PCCB: variants seen among roughly 807,000 people sequenced by gnomAD.
PCCB encodes propionyl-CoA carboxylase subunit beta, also known as propionyl-CoA carboxylase beta chain, mitochondrial.
A neutral mutation model predicts 60.7 loss-of-function variants in PCCB; 43 were observed. That is an observed-to-expected ratio of 0.71 (90% confidence interval 0.55 to 0.91). PCCB has a LOEUF of 0.91. Ranked by LOEUF, PCCB falls within the 40% of genes least tolerant of loss-of-function variation. PCCB has a pLI of 0.00. For missense variants in PCCB, 766 were observed against 702.8 expected (o/e 1.09, Z -1.02); for synonymous variants, 276 against 255.9 (o/e 1.08, Z -0.75).
chr3:136,279,498 C>T (rs1368160645), intron 5 of PCCB, among the ~76,000 whole-genome samples: 1 of 152,024 alleles, frequency 6.6e-6, no homozygotes, highest in Non-Finnish European at 1.5e-5. Context: ...ATATCTTGAA[C>T]TAGTTGGAAG....
chr3:136,326,413 G>GT (rs1332857099), intron 10 of PCCB: 2 of 702,802 alleles, frequency 2.8e-6, no homozygotes, highest in East Asian at 5.4e-5. Flanking sequence ...AAAAGGCAAA[G>GT]TAATTTCTCA....
At chr3:136,316,687 A>C (rs907156130) in intron 9 of PCCB, among the ~76,000 whole-genome samples, 2 of 152,174 alleles carry the variant, frequency 1.3e-5, no homozygotes, top group African/African-American at 4.8e-5. Context: ...TCCACACTCA[A>C]ATAGGACTTT....
At chr3:136,262,289 G>C (rs565444076) in intron 5 of PCCB, among the ~76,000 whole-genome samples, 29 of 152,316 alleles carry the variant, frequency 1.9e-4, no homozygotes, top group Non-Finnish European at 3.2e-4. Context: ...ACTCACAGGG[G>C]AAATTACAGT....
intron 8 of PCCB, among the ~76,000 whole-genome samples, chr3:136,299,400 T>C (rs1340720222): frequency 1.3e-5 from 2 of 151,974 alleles, no homozygotes; most frequent in Non-Finnish European, 2.9e-5. Context: ...ATATGTATGC[T>C]TATGTATATG....
rs1340091518 is a variant in PCCB at position 136,317,048 on chromosome 3, A to T, written c.1074A>T (p.Gln358His). The T allele has an allele frequency of 6.2e-7, 1 of 1,613,770 alleles. No individual in the cohort carries two copies. Among genetic ancestry groups the T allele is most frequent in the East Asian group, 2.2e-5 (1 of 44,864 alleles). ...NGRTVGIVGN[Q>H]PKVASGCLDI... ...GGACTGTTGGAATTGTTGGCAACCAACCTAAGGTGGCCTCAGGTAGGATGG... is the reference window on the plus strand; with the variant it reads ...GGACTGTTGGAATTGTTGGCAACCATCCTAAGGTGGCCTCAGGTAGGATGG... The change falls in exon 10 of 15, where the codon CAA becomes CAT. Residue 358 changes from glutamine (Q) to histidine (H), a missense_variant. Gln to His is a conservative substitution (Grantham distance 24). Coordinates refer to ENST00000251654, the MANE Select transcript of PCCB (RefSeq NM_000532.5).
rs1942117940 is a variant in PCCB, at chr3:136,269,139, G to C, written c.543+7074G>C. Among the ~76,000 whole-genome samples, 2 of 152,118 alleles carry C rather than the reference G, an allele frequency of 1.3e-5. 1 individual carries two copies. The highest frequency in any genetic ancestry group is 4.1e-4 in the South Asian group (2 of 4,828). On this transcript the variant is annotated intron_variant, in intron 5 of 14. Transcript: ENST00000251654. Reference sequence around the variant, plus strand: ...CTACTAAAAATACAAAAATTAGCCAGGTGTTGTGGTGCATGCCTGTAATCC... The same window carrying C: ...CTACTAAAAATACAAAAATTAGCCACGTGTTGTGGTGCATGCCTGTAATCC...
chr3:136,259,040 A>C, intron 3 of PCCB: 1 of 694,266 alleles, frequency 1.4e-6, no homozygotes, highest in East Asian at 3.5e-5. Context: ...TTAATTCCTA[A>C]CTGTCTTTTT....
intron 10 of PCCB, among the ~76,000 whole-genome samples, chr3:136,318,117 T>C (rs1378397611): frequency 3.3e-5 from 5 of 152,216 alleles, no homozygotes; most frequent in Non-Finnish European, 7.3e-5. Context: ...GGCGGGTGGA[T>C]CACGAGGTCT....
intron 11 of PCCB, 64 bp from the exon 12 acceptor site, chr3:136,327,091 C>A: frequency 6.8e-7 from 1 of 1,468,244 alleles, no homozygotes; most frequent in South Asian, 1.1e-5. Context: ...GACCTCACAG[C>A]TGAGAGTGGC....
chr3:136,327,025 C>T, intron 11 of PCCB, 115 bp downstream of exon 11: 2 of 1,117,296 alleles, frequency 1.8e-6, no homozygotes, highest in Non-Finnish European at 2.7e-6. Flanking sequence ...TCCATGTATT[C>T]TGGGTGTCCA....
At position 136,260,485 on chromosome 3, in the gene PCCB, A is replaced by G; in HGVS notation, c.379A>G (p.Thr127Ala). ...RLVYVFSQDF[T>A]VFGGSLSGAH... is the part of the protein sequence containing the mutation. Reference sequence around the variant, plus strand: ...ATTTGTATTTTCTTTTTAGGATTTTACAGTTTTTGGAGGCAGTCTGTCAGG... The same window carrying G: ...ATTTGTATTTTCTTTTTAGGATTTTGCAGTTTTTGGAGGCAGTCTGTCAGG... The change falls in exon 4 of 15, where the codon ACA (threonine) becomes GCA (alanine). Residue 127 changes from threonine (T) to alanine (A), a missense_variant. Transcript: ENST00000251654. 6.2e-7 allele frequency: 1 copy of G among 1,613,026 alleles called. No homozygotes were observed. Among genetic ancestry groups the G allele is most frequent in the Non-Finnish European group, 8.5e-7 (1 of 1,179,148 alleles).
intron 5 of PCCB, among the ~76,000 whole-genome samples, chr3:136,269,196 G>T (rs191620420): frequency 1.5e-3 from 222 of 152,194 alleles, no homozygotes; most frequent in Non-Finnish European, 2.9e-3. Context: ...CAGGAGAATC[G>T]CTTGAATCCA....
At chr3:136,292,997 G>A (rs537937013) in intron 6 of PCCB, among the ~76,000 whole-genome samples, 4 of 152,206 alleles carry the variant, frequency 2.6e-5, no homozygotes, top group Non-Finnish European at 5.9e-5. Flanking sequence ...TAATAGCAAA[G>A]CATTGATTTA....
At chr3:136,308,103 A>C (rs1934513077) in intron 9 of PCCB, among the ~76,000 whole-genome samples, 1 of 152,196 alleles carries the variant, frequency 6.6e-6, no homozygotes, top group African/African-American at 2.4e-5. Context: ...CAGTATATAA[A>C]TGTGATTCAG....
intron 10 of PCCB, among the ~76,000 whole-genome samples, chr3:136,323,919 A>AT (rs1370322514): frequency 6.6e-6 from 1 of 150,502 alleles, no homozygotes; most frequent in East Asian, 1.9e-4. Flanking sequence ...GATTTTTTTA[A>AT]TTGAAAATGG....
At chr3:136,304,253 C>G (rs140168777) in intron 9 of PCCB, among the ~76,000 whole-genome samples, 1,188 of 118,246 alleles carry the variant, frequency 0.01, 117 homozygotes, top group African/African-American at 0.029. Flanking sequence ...CTCCTGTGCT[C>G]AAGTGATCTT....
intron 5 of PCCB, among the ~76,000 whole-genome samples, chr3:136,264,874 CAAAAAAAAA>C (rs1167305370): frequency 1.3e-5 from 1 of 76,634 alleles, no homozygotes; most frequent in Non-Finnish European, 2.3e-5. Context: ...GACTCCGTCT[CAAAAAAAAA>C]AAAAAAAAAA....
Position 136,330,052 on chromosome 3 carries a change from A to G in PCCB, c.*26A>G. 6.2e-7 allele frequency: 1 copy of G among 1,613,862 alleles called. No homozygotes were observed. The highest frequency in any genetic ancestry group is 8.5e-7 in the Non-Finnish European group (1 of 1,179,818). On this transcript the variant is annotated 3_prime_UTR_variant, in exon 15 of 15. Coordinates refer to ENST00000251654, the MANE Select transcript of PCCB (RefSeq NM_000532.5). ...ACAAATCAAAGGAAAAGAAACCAAG[A>G]ACTGAATTACTGTCTGCCCATTCAC...
rs551214785 is a variant in PCCB, at chr3:136,270,316, A to G, written c.543+8251A>G. Reference sequence around the variant, plus strand: ...CAATATTAGTAAGAAACATTGACCTACAGTTACCTTGTGATTTTTTCTTTT... The same window carrying G: ...CAATATTAGTAAGAAACATTGACCTGCAGTTACCTTGTGATTTTTTCTTTT... On this transcript the variant is annotated intron_variant, in intron 5 of 14. Transcript: ENST00000251654. Among the ~76,000 whole-genome samples the G allele has an allele frequency of 6.6e-5, 10 of 152,258 alleles. No individual in the cohort carries two copies. In the South Asian group the frequency reaches 1.7e-3, roughly 25 times the overall value.
Sources: gnomAD v4.1 joint callset for allele counts (sites outside exome capture counted in the v4.1 genomes callset) on GRCh38, gnomAD v4.1.1 for gene constraint, MANE v1.5 for transcripts, NCBI Gene and HGNC (gene_info 2026-07-23, HGNC 2026-07-21) for gene names.